Variants in CROT observed in about 807,000 individuals in gnomAD.
The protein encoded by CROT is carnitine O-octanoyltransferase.
Under a neutral mutation model 89.2 loss-of-function variants are expected in CROT, and 84 were observed. That is an observed-to-expected ratio of 0.94 (90% confidence interval 0.79 to 1.13). The LOEUF is 1.13. Ranked by LOEUF, CROT falls within the 50% of genes most tolerant of loss-of-function variation. The pLI, the probability that CROT is intolerant of heterozygous loss-of-function variation, is 0.00. For missense variants in CROT, 711 were observed against 727.8 expected (o/e 0.98, Z 0.27); for synonymous variants, 212 against 239.5 (o/e 0.89, Z 1.06).
chr7:87,371,389 A>C (rs1360541655), intron 7 of CROT, among the ~76,000 whole-genome samples: 1 of 152,248 alleles, frequency 6.6e-6, no homozygotes, highest in East Asian at 1.9e-4. Context: ...AAACTATTAC[A>C]TAGAATTCCA....
At position 87,359,229 on chromosome 7, in the gene CROT, G is replaced by T. The variant is rs1806198303; in HGVS notation, c.139G>T (p.Glu47Ter). ...ESVKPFANQE[E>*]YKKTEEIVQK... ...AGTGAAACCATTTGCAAATCAAGAAGAATATAAGAAAACTGAAGAAATAGT... is the reference window on the plus strand; with the variant it reads ...AGTGAAACCATTTGCAAATCAAGAATAATATAAGAAAACTGAAGAAATAGT... Residue 47 changes from glutamate (E) to a stop codon, truncating the protein, a stop_gained, in exon 4 of 18, where the codon GAA (glutamate) becomes TAA (stop). Transcript: ENST00000331536. LOFTEE classifies it high-confidence loss of function. The T allele has an allele frequency of 1.3e-6, 2 of 1,585,692 alleles. No individual in the cohort carries two copies. Among genetic ancestry groups the T allele is most frequent in the South Asian group, 1.1e-5 (1 of 87,896 alleles).
chr7:87,358,220 G>T (rs984131822), intron 3 of CROT, among the ~76,000 whole-genome samples: 1 of 151,992 alleles, frequency 6.6e-6, no homozygotes, highest in South Asian at 2.1e-4. Flanking sequence ...CCTCACGCCT[G>T]TAATCCTAGC....
chr7:87,387,462 C>CT (rs373822350), intron 13 of CROT, among the ~76,000 whole-genome samples: 176 of 145,082 alleles, frequency 1.2e-3, no homozygotes, highest in African/African-American at 2.9e-3. Context: ...ATGAGCTATA[C>CT]TTTTTTTTTT....
At chr7:87,362,687 G>GTCC (rs1299766525) in intron 6 of CROT, among the ~76,000 whole-genome samples, 1 of 151,774 alleles carries the variant, frequency 6.6e-6, no homozygotes, top group African/African-American at 2.4e-5. Context: ...TCTGCTTGGT[G>GTCC]TCCTAGCTTA....
chr7:87,375,343 A>G, intron 7 of CROT: 1 of 303,648 alleles, frequency 3.3e-6, no homozygotes, highest in Admixed American at 4.8e-5. Context: ...TTTACTTGCA[A>G]CCTAGAAGTG....
chr7:87,353,117 G>C (rs73194676), intron 3 of CROT, among the ~76,000 whole-genome samples: 9,644 of 152,142 alleles, frequency 0.063, 340 homozygotes, highest in African/African-American at 0.093. Flanking sequence ...TAAGGAACTA[G>C]AGGGAGTCCT....
chr7:87,361,866 C>A lies in CROT; in HGVS notation c.547+14C>A. 1 of 1,561,984 alleles carries A rather than the reference C, an allele frequency of 6.4e-7. No homozygotes were observed. The highest frequency in any genetic ancestry group is 8.6e-7 in the Non-Finnish European group (1 of 1,157,160). On this transcript the variant is annotated intron_variant, in intron 6 of 17. Transcript: ENST00000331536. ...ATTTTAGGACTGGTAAGTAAAAATG[C>A]AGATATCGTTTTTAGTAAAGGCACT... is the stretch of plus-strand genomic sequence containing the variant.
chr7:87,369,166 G>A (rs1446356586), intron 6 of CROT, among the ~76,000 whole-genome samples: 3 of 152,126 alleles, frequency 2.0e-5, no homozygotes, highest in African/African-American at 4.8e-5. Flanking sequence ...ATTTCTAGAT[G>A]TCTCACATGG....
chr7:87,358,431 G>A (rs1806162503), intron 3 of CROT, among the ~76,000 whole-genome samples: 1 of 134,724 alleles, frequency 7.4e-6, no homozygotes, highest in African/African-American at 2.8e-5. Flanking sequence ...GCAGTGAGCT[G>A]AGATTACGCC....
At chr7:87,386,316 GA>G (rs1807181609) in intron 13 of CROT, among the ~76,000 whole-genome samples, 1 of 152,104 alleles carries the variant, frequency 6.6e-6, no homozygotes, top group Non-Finnish European at 1.5e-5. Context: ...CTTAATGGGA[GA>G]CTTTTTATTG....
At chr7:87,377,244 G>C (rs866668247) in intron 9 of CROT, 105 bp from the exon 10 acceptor site, 22 of 616,574 alleles carry the variant, frequency 3.6e-5, no homozygotes, top group South Asian at 1.2e-4. Flanking sequence ...TATTAAATTT[G>C]GTTGACGTGA....
intron 10 of CROT, among the ~76,000 whole-genome samples, chr7:87,378,335 G>A (rs1806875804): frequency 1.0e-5 from 1 of 97,784 alleles, no homozygotes; most frequent in African/African-American, 3.7e-5. Flanking sequence ...AACAGACTGA[G>A]ACTCCGACTC....
chr7:87,357,534 G>T, intron 3 of CROT: 2 of 1,531,858 alleles, frequency 1.3e-6, no homozygotes, highest in Non-Finnish European at 1.8e-6. Context: ...CAGATAAGGG[G>T]TCTTGATCCA....
chr7:87,382,265 G>A (rs1197457565), intron 12 of CROT, 84 bp downstream of exon 12: 2 of 1,412,118 alleles, frequency 1.4e-6, no homozygotes, highest in Non-Finnish European at 2.0e-6. Context: ...ATCCAAGCAT[G>A]TCTGCACAAA....
intron 2 of CROT, 52 bp from the exon 3 acceptor site, chr7:87,348,995 CG>C: frequency 1.4e-6 from 1 of 729,440 alleles, no homozygotes; most frequent in Non-Finnish European, 2.3e-6. Flanking sequence ...ACCTAGGATA[CG>C]TAACACTATC....
intron 13 of CROT, among the ~76,000 whole-genome samples, chr7:87,384,918 T>G (rs1807141857): frequency 6.6e-6 from 1 of 152,242 alleles, no homozygotes; most frequent in Admixed American, 6.5e-5. Context: ...TCCAGTTTCA[T>G]TCTTCTGCAT....
intron 10 of CROT, among the ~76,000 whole-genome samples, chr7:87,377,955 TCTC>T (rs1228223997): frequency 6.6e-6 from 1 of 152,112 alleles, no homozygotes; most frequent in African/African-American, 2.4e-5. Context: ...TTTTCTTGCT[TCTC>T]CTCTGTTCCC....
At chr7:87,366,635 C>G (rs60757438) in intron 6 of CROT, among the ~76,000 whole-genome samples, 20,179 of 152,186 alleles carry the variant, frequency 0.13, 1,929 homozygotes, top group African/African-American at 0.27. Context: ...GATGCTACTG[C>G]TCTCTTCATG....
Position 87,391,662 on chromosome 7 carries a change from A to C in CROT, c.1375A>C (p.Thr459Pro). 2 of 1,612,224 alleles carry C rather than the reference A, an allele frequency of 1.2e-6. No individual in the cohort carries two copies. The highest frequency in any genetic ancestry group is 1.7e-6 in the Non-Finnish European group (2 of 1,179,346). Residue 459 changes from threonine to proline, a missense_variant, in exon 14 of 18, where the codon ACA becomes CCA. Physicochemically the swap from Thr to Pro is conservative, Grantham distance 38. Transcript: ENST00000331536. ...HGRTETMRSCTVEAVRWCQSM... is the reference protein window; with the variant it reads ...HGRTETMRSCPVEAVRWCQSM... ...CCGTACAGAGACTATGCGATCATGC[A>C]CAGTTGAAGCAGTGAGGTGGTGCCA...
Sources: allele counts gnomAD v4.1 joint callset (sites outside exome capture counted in the v4.1 genomes callset), GRCh38; gene constraint gnomAD v4.1.1; transcripts MANE v1.5; gene names NCBI Gene and HGNC (gene_info 2026-07-23, HGNC 2026-07-21).